CDH8: variants seen among roughly 807,000 people sequenced by gnomAD.
CDH8 encodes cadherin-8.
In CDH8, 17 loss-of-function variants were observed where a neutral mutation model predicts 68.1. The observed-to-expected ratio is 0.25, with a 90% CI of 0.17 to 0.37. The LOEUF (loss-of-function observed/expected upper bound fraction) is 0.37. Ranked by LOEUF, CDH8 falls within the 10% of genes least tolerant of loss-of-function variation. The pLI is 1.00. For synonymous variants in CDH8, 372 were observed against 365.1 expected (o/e 1.02, Z -0.21); for missense variants, 763 against 999.3 (o/e 0.76, Z 3.19).
intron 7 of CDH8, among the ~76,000 whole-genome samples, chr16:61,808,093 T>C (rs971942638): frequency 6.6e-6 from 1 of 152,238 alleles, no homozygotes; most frequent in East Asian, 1.9e-4. Context: ...ATATTTTTCA[T>C]ATCCTTTGCT....
intron 3 of CDH8, among the ~76,000 whole-genome samples, chr16:61,876,234 C>T (rs908592013): frequency 6.6e-6 from 1 of 152,112 alleles, no homozygotes; most frequent in African/African-American, 2.4e-5. Context: ...AGTCTTCATG[C>T]TAATTGTACT....
intron 9 of CDH8, among the ~76,000 whole-genome samples, chr16:61,716,251 C>A (rs746177317): frequency 6.6e-6 from 1 of 151,586 alleles, no homozygotes; most frequent in Non-Finnish European, 1.5e-5. Context: ...ATGGCTCATA[C>A]CTGCTGTTGC....
intron 7 of CDH8, among the ~76,000 whole-genome samples, chr16:61,813,609 T>A (rs1489024538): frequency 6.6e-6 from 1 of 152,054 alleles, no homozygotes; most frequent in Non-Finnish European, 1.5e-5. Context: ...CAGTTCCGTG[T>A]CCTAGCCGGG....
intron 8 of CDH8, among the ~76,000 whole-genome samples, chr16:61,755,791 G>A (rs974402029): frequency 1.4e-5 from 2 of 142,860 alleles, no homozygotes; most frequent in Non-Finnish European, 3.1e-5. Flanking sequence ...CTCCTTCTCC[G>A]CCTTCTTCTT....
intron 8 of CDH8, among the ~76,000 whole-genome samples, chr16:61,759,280 A>G (rs1960401746): frequency 6.6e-6 from 1 of 152,216 alleles, no homozygotes; most frequent in South Asian, 2.1e-4. Context: ...TACAGGCAGC[A>G]TGCAGATTGA....
chr16:61,660,245 C>G (rs1055139709), intron 10 of CDH8, among the ~76,000 whole-genome samples: 1 of 150,672 alleles, frequency 6.6e-6, no homozygotes, highest in Non-Finnish European at 1.5e-5. Context: ...ATGAGACATG[C>G]AAAGAATGAA....
chr16:61,671,706 G>A (rs772418877), intron 10 of CDH8, among the ~76,000 whole-genome samples: 19 of 151,912 alleles, frequency 1.3e-4, no homozygotes, highest in Non-Finnish European at 2.1e-4. Flanking sequence ...TGCTGAGAAC[G>A]GCATGTGCTT....
At chr16:61,921,161 G>A (rs1225555522) in intron 2 of CDH8, among the ~76,000 whole-genome samples, 1 of 149,172 alleles carries the variant, frequency 6.7e-6, no homozygotes, top group Non-Finnish European at 1.5e-5. Flanking sequence ...GCTAGATGAC[G>A]AGTTGGTGGG....
At chr16:61,874,551 T>C (rs1487868330) in intron 3 of CDH8, among the ~76,000 whole-genome samples, 1 of 152,070 alleles carries the variant, frequency 6.6e-6, no homozygotes, top group African/African-American at 2.4e-5. Context: ...CAGGATGGTC[T>C]CAATCTCCTG....
chr16:61,727,094 T>A lies in CDH8; in HGVS notation c.1536A>T (p.Gln512His). ...AFLCENGKPG[Q>H]VIQTVSAMDK... ...GCATTAACAACATGGAGATATTTAC[T>A]TGGCCGGGTTTTCCATTTTCACATA... Residue 512 changes from glutamine (Q) to histidine (H), a missense_variant and splice_region_variant, in exon 9 of 12, where the codon CAA (glutamine) becomes CAT (histidine). Transcript: ENST00000577390. The A allele has an allele frequency of 8.1e-6, 13 of 1,610,732 alleles. No individual in the cohort carries two copies. Among genetic ancestry groups the A allele is most frequent in the Non-Finnish European group, 1.1e-5 (13 of 1,177,808 alleles).
intron 2 of CDH8, among the ~76,000 whole-genome samples, chr16:61,962,659 T>A (rs1164656909): frequency 6.6e-6 from 1 of 152,194 alleles, no homozygotes; most frequent in Non-Finnish European, 1.5e-5. Context: ...CGTATGCTGT[T>A]CCTTCTGTTT....
At chr16:61,833,251 T>A (rs1386635681) in intron 4 of CDH8, among the ~76,000 whole-genome samples, 2 of 151,470 alleles carry the variant, frequency 1.3e-5, no homozygotes, top group African/African-American at 4.8e-5. Flanking sequence ...TGCACATATA[T>A]ATGCACACTC....
At chr16:61,998,877 G>A (rs1376138837) in intron 2 of CDH8, among the ~76,000 whole-genome samples, 1 of 152,088 alleles carries the variant, frequency 6.6e-6, no homozygotes, top group Non-Finnish European at 1.5e-5. Context: ...TGAGCCAAAA[G>A]ATTTAATAAA....
At chr16:61,988,659 A>C (rs1284692412) in intron 2 of CDH8, among the ~76,000 whole-genome samples, 1 of 152,282 alleles carries the variant, frequency 6.6e-6, no homozygotes, top group Admixed American at 6.5e-5. Flanking sequence ...ATAAACACAA[A>C]ACCTACCAAA....
intron 2 of CDH8, among the ~76,000 whole-genome samples, chr16:61,948,284 C>A (rs1246787511): frequency 5.3e-5 from 8 of 152,160 alleles, no homozygotes; most frequent in Non-Finnish European, 1.5e-5. Flanking sequence ...CTGATCTAAT[C>A]ATTGTCGGGT....
intron 3 of CDH8, among the ~76,000 whole-genome samples, chr16:61,867,405 A>G (rs2143022857): frequency 6.6e-6 from 1 of 152,298 alleles, no homozygotes; most frequent in Admixed American, 6.5e-5. Flanking sequence ...ACAATTAGCT[A>G]CTAAATGATG....
chr16:61,830,708 C>A (rs952166513), intron 4 of CDH8, among the ~76,000 whole-genome samples: 1 of 151,640 alleles, frequency 6.6e-6, no homozygotes, highest in Admixed American at 6.6e-5. Context: ...TACACCGGTG[C>A]GGCGACAAGT....
intron 4 of CDH8, among the ~76,000 whole-genome samples, chr16:61,833,542 C>T (rs530352895): frequency 2.0e-4 from 30 of 151,906 alleles, no homozygotes; most frequent in Non-Finnish European, 3.4e-4. Flanking sequence ...CATCTCTCAC[C>T]AATTTCAAAA....
chr16:61,960,357 GTA>G (rs1292617243), intron 2 of CDH8, among the ~76,000 whole-genome samples: 1 of 97,192 alleles, frequency 1.0e-5, no homozygotes, highest in Admixed American at 1.1e-4. Context: ...ATGTGTGTGT[GTA>G]TACACATACA....
Sources: gnomAD v4.1 joint callset for allele counts (sites outside exome capture counted in the v4.1 genomes callset) on GRCh38, gnomAD v4.1.1 for gene constraint, MANE v1.5 for transcripts, NCBI Gene and HGNC (gene_info 2026-07-23, HGNC 2026-07-21) for gene names.